RCBTB2: variants seen among roughly 807,000 people sequenced by gnomAD.
RCBTB2 encodes RCC1 and BTB domain containing protein 2, also known as RCC1 and BTB domain-containing protein 2.
A neutral mutation model predicts 65.4 loss-of-function variants in RCBTB2; 55 were observed. That is an observed-to-expected ratio of 0.84 (90% confidence interval 0.68 to 1.05). RCBTB2 has a LOEUF of 1.05. RCBTB2 is among the 50% of genes least tolerant of loss of function. RCBTB2 has a pLI of 0.00. For missense variants in RCBTB2, 599 were observed against 680.1 expected (o/e 0.88, Z 1.33); for synonymous variants, 220 against 255.2 (o/e 0.86, Z 1.31).
rs1555297731 is a variant in RCBTB2, at chr13:48,493,259, A to ACACACT, written c.1515+2931_1515+2932insAGTGTG. Among the ~76,000 whole-genome samples, 6 of 121,754 alleles carry ACACACT rather than the reference A, an allele frequency of 4.9e-5. 1 individual carries two copies. Among genetic ancestry groups the ACACACT allele is most frequent in the African/African-American group, 2.0e-4 (6 of 29,462 alleles). The allele number at this position is 121,754 out of a possible 152,430, so 79.9% of individuals were successfully genotyped here. On this transcript the variant is annotated intron_variant, in intron 14 of 14. Transcript: ENST00000344532. Reference sequence around the variant, plus strand: ...CACACACACACACACACACACACACACTCTTCTCTCTCTCACCCTCTCTCT... The same window carrying ACACACT: ...CACACACACACACACACACACACACACACACTCTCTTCTCTCTCTCACCCTCTCTCT...
At chr13:48,493,319 T>TTCTCCCTCACC (rs1949815308) in intron 14 of RCBTB2, among the ~76,000 whole-genome samples, 1 of 109,732 alleles carries the variant, frequency 9.1e-6, no homozygotes, top group Non-Finnish European at 1.7e-5. Flanking sequence ...ACACACACTC[T>TTCTCCCTCACC]CTCTCTCTCT....
chr13:48,526,100 G>A (rs1472072831), intron 1 of RCBTB2, among the ~76,000 whole-genome samples: 1 of 152,094 alleles, frequency 6.6e-6, no homozygotes, highest in African/African-American at 2.4e-5. Flanking sequence ...GAGAGATTAA[G>A]GTTACCCAAT....
chr13:48,522,290 G>A lies in RCBTB2; in HGVS notation c.-24+18C>T. 6.8e-7 allele frequency: 1 copy of A among 1,471,906 alleles called. No homozygotes were observed. Among genetic ancestry groups the A allele is most frequent in the Non-Finnish European group, 9.2e-7 (1 of 1,089,174 alleles). 91.2% of individuals were successfully genotyped at this position (1,471,906 alleles called of 1,614,324 possible). ...TTCAGAGTTGACTTCCTGTGATAAG[G>A]AAAAATAAATTTTAGACCTTTGTCA... is the stretch of plus-strand genomic sequence containing the variant. On this transcript the variant is annotated intron_variant, in intron 3 of 14. Coordinates refer to ENST00000344532, the MANE Select transcript of RCBTB2 (RefSeq NM_001268.4).
chr13:48,532,975 C>T (rs1952259680), intron 1 of RCBTB2, 53 bp downstream of exon 1: 2 of 455,656 alleles, frequency 4.4e-6, no homozygotes, highest in Non-Finnish European at 8.8e-6. Flanking sequence ...CAGCATCCCA[C>T]GTCACGGCCG....
chr13:48,490,478 C>T (rs755798700), intron 14 of RCBTB2, among the ~76,000 whole-genome samples: 2 of 152,128 alleles, frequency 1.3e-5, no homozygotes, highest in African/African-American at 4.8e-5. Context: ...CAAGTTCCTC[C>T]GCACTAACCT....
intron 9 of RCBTB2, among the ~76,000 whole-genome samples, chr13:48,511,047 A>G (rs931878008): frequency 1.5e-4 from 23 of 152,212 alleles, no homozygotes; most frequent in Admixed American, 6.5e-5. Flanking sequence ...AGAAACAGAC[A>G]CTTGTATTTT....
intron 1 of RCBTB2, chr13:48,532,723 G>A (rs376527428): frequency 4.1e-5 from 12 of 296,000 alleles, no homozygotes; most frequent in South Asian, 2.7e-4. Context: ...GTAGTCGCGA[G>A]CAGCGCACCG....
chr13:48,513,146 G>A (rs1027049139), intron 6 of RCBTB2, among the ~76,000 whole-genome samples: 22 of 152,142 alleles, frequency 1.4e-4, no homozygotes, highest in Admixed American at 2.6e-4. Flanking sequence ...TTTTAATAAA[G>A]AGCAGAGAAA....
At chr13:48,514,898 A>G (rs567930238) in intron 6 of RCBTB2, among the ~76,000 whole-genome samples, 8 of 152,222 alleles carry the variant, frequency 5.3e-5, no homozygotes, top group Non-Finnish European at 1.0e-4. Flanking sequence ...GATGTTGGAC[A>G]CAAGGTTTAG....
intron 10 of RCBTB2, among the ~76,000 whole-genome samples, chr13:48,508,330 G>A (rs1293124642): frequency 1.3e-5 from 2 of 152,078 alleles, no homozygotes; most frequent in Non-Finnish European, 2.9e-5. Context: ...GGTTGAAACT[G>A]TGCAAGTTCA....
intron 14 of RCBTB2, among the ~76,000 whole-genome samples, chr13:48,493,287 CTCCA>C (rs1396645781): frequency 5.4e-5 from 6 of 110,562 alleles, no homozygotes; most frequent in African/African-American, 3.3e-4. Context: ...CTCTCTCTCT[CTCCA>C]CACACACACA....
chr13:48,515,391 AT>A (rs1951028647), intron 5 of RCBTB2, 36 bp from the exon 6 acceptor site: 1 of 1,587,720 alleles, frequency 6.3e-7, no homozygotes, highest in African/African-American at 1.4e-5. Flanking sequence ...AAGCAGTTCT[AT>A]TTCTAACAAA....
In RCBTB2 at chr13:48,489,834, T is replaced by C. The variant is rs1949622860; in HGVS notation, c.*277A>G. ...TATACTGAGACCAGGGTACCAAAGG[T>C]GTCCAATTTAAGTGACTCAAAAAGA... is the stretch of plus-strand genomic sequence containing the variant. On this transcript the variant is annotated 3_prime_UTR_variant, in exon 15 of 15. Transcript: ENST00000344532. 2 of 429,884 alleles carry C rather than the reference T, an allele frequency of 4.7e-6. No individual in the cohort carries two copies. Among genetic ancestry groups the C allele is most frequent in the Non-Finnish European group, 8.5e-6 (2 of 236,006 alleles). 26.6% of individuals were successfully genotyped at this position (429,884 alleles called of 1,614,324 possible).
At chr13:48,531,621 A>G (rs1952127629) in intron 1 of RCBTB2, among the ~76,000 whole-genome samples, 1 of 152,204 alleles carries the variant, frequency 6.6e-6, no homozygotes, top group East Asian at 1.9e-4. Flanking sequence ...AGCAAGAGCA[A>G]TAAGGCCTGA....
At position 48,499,661 on chromosome 13, in the gene RCBTB2, T is replaced by C. The variant is rs750614464; in HGVS notation, c.1344A>G (p.Leu448=). The change falls in exon 13 of 15, where the codon CTA becomes CTG. Residue 448 remains leucine, a synonymous_variant. Transcript: ENST00000344532. ...GAGAAAGGCTGATGCTGTCTGTGTA[T>C]AGGTATTCCAGGAAGGCCCGGTAAA... ...YPVYRAFLEY[L]YTDSISLSPE... is the part of the protein sequence containing the mutation. 3.1e-6 allele frequency: 5 copies of C among 1,614,168 alleles called. No individual in the cohort carries two copies. Among genetic ancestry groups the C allele is most frequent in the Middle Eastern group, 1.6e-4 (1 of 6,062 alleles).
intron 10 of RCBTB2, among the ~76,000 whole-genome samples, chr13:48,503,988 C>T (rs1950369386): frequency 6.6e-6 from 1 of 152,232 alleles, no homozygotes; most frequent in Admixed American, 6.5e-5. Flanking sequence ...GATTTTGCTA[C>T]AGCAGACAAT....
chr13:48,492,744 C>A (rs1322396461), intron 14 of RCBTB2, among the ~76,000 whole-genome samples: 1 of 152,202 alleles, frequency 6.6e-6, no homozygotes, highest in African/African-American at 2.4e-5. Flanking sequence ...TTACTGCTCA[C>A]TCCTCTTCAG....
Position 48,490,063 on chromosome 13 carries a change from C to CT in RCBTB2, c.*47dup. ...TTAAAGAGAAGTGATTCATCTCTGGCTTTTGCAGGGGAAATGGAAAGGCTC... is the reference window on the plus strand; with the variant it reads ...TTAAAGAGAAGTGATTCATCTCTGGCTTTTTGCAGGGGAAATGGAAAGGCTC... On this transcript the variant is annotated 3_prime_UTR_variant, in exon 15 of 15. Coordinates refer to ENST00000344532, the MANE Select transcript of RCBTB2 (RefSeq NM_001268.4). 1 of 1,605,634 alleles carries CT rather than the reference C, an allele frequency of 6.2e-7. No homozygotes were observed. Among genetic ancestry groups the CT allele is most frequent in the Non-Finnish European group, 8.5e-7 (1 of 1,172,950 alleles).
At chr13:48,527,361 T>TATGATATATATATATATATCATA in intron 1 of RCBTB2, among the ~76,000 whole-genome samples, 24 of 112,420 alleles carry the variant, frequency 2.1e-4, no homozygotes, top group African/African-American at 1.3e-3. Context: ...TGATATATAT[T>TATGATATATATATATATATCATA]TATATATGAT....
Sources: allele counts gnomAD v4.1 joint callset (sites outside exome capture counted in the v4.1 genomes callset), GRCh38; gene constraint gnomAD v4.1.1; transcripts MANE v1.5; gene names NCBI Gene and HGNC (gene_info 2026-07-23, HGNC 2026-07-21).